CTNND2: variants seen among roughly 807,000 people sequenced by gnomAD.
CTNND2 encodes the protein catenin delta 2.
CTNND2 carries 22 observed loss-of-function variants against 144.4 expected under a neutral mutation model. The ratio of observed to expected loss-of-function variants is 0.15; its 90% CI spans 0.11 to 0.22. CTNND2 has a LOEUF of 0.22. Among genes scored for constraint, CTNND2 ranks in the 10% least tolerant of loss-of-function variants. The pLI, the probability that CTNND2 is intolerant of heterozygous loss-of-function variation, is 1.00. For synonymous variants in CTNND2, 751 were observed against 695.6 expected, an observed-to-expected ratio of 1.08 and a Z score of -1.25; for missense variants, 1,353 against 1,618.8, an observed-to-expected ratio of 0.84 and a Z score of 2.82.
At chr5:11,128,751 T>TATATATATATA (rs777170447) in intron 12 of CTNND2, among the ~76,000 whole-genome samples, 1 of 41,486 alleles carries the variant, frequency 2.4e-5, no homozygotes, top group Non-Finnish European at 3.9e-5. Flanking sequence ...TTATATATAT[T>TATATATATATA]ATATATAAAT....
At chr5:11,546,156 C>A (rs1039361223) in intron 3 of CTNND2, among the ~76,000 whole-genome samples, 3 of 152,062 alleles carry the variant, frequency 2.0e-5, no homozygotes, top group African/African-American at 7.2e-5. Context: ...CTTGGGGTTT[C>A]TTTTGGTGTG....
intron 16 of CTNND2, among the ~76,000 whole-genome samples, chr5:11,056,292 T>C (rs1341404122): frequency 6.6e-6 from 1 of 152,194 alleles, no homozygotes; most frequent in Non-Finnish European, 1.5e-5. Context: ...TTAATGTTCA[T>C]TGACTGATTA....
At chr5:11,233,667 T>C (rs143432502) in intron 10 of CTNND2, among the ~76,000 whole-genome samples, 85 of 152,094 alleles carry the variant, frequency 5.6e-4, no homozygotes, top group African/African-American at 1.9e-3. Context: ...GGAGTGAGGA[T>C]GAGAGAACAA....
In CTNND2 at chr5:11,754,383, T is replaced by C. The variant is rs545104571; in HGVS notation, c.38-22111A>G. On this transcript the variant is annotated intron_variant, in intron 1 of 21. Coordinates refer to ENST00000304623, the MANE Select transcript of CTNND2 (RefSeq NM_001332.4). Reference sequence around the variant, plus strand: ...ATTCTGATATGTTTTATCTTTGTTCTCATCACTTTCAAGGAATTTCCTTAT... The same window carrying C: ...ATTCTGATATGTTTTATCTTTGTTCCCATCACTTTCAAGGAATTTCCTTAT... Among the ~76,000 whole-genome samples the C allele has an allele frequency of 2.0e-5, 3 of 148,230 alleles. No homozygotes were observed. The South Asian group carries it at 6.7e-4, about 33-fold the overall frequency.
rs140719845 is a variant in CTNND2, at chr5:11,096,411, G to A, written c.2637+2164C>T. On this transcript the variant is annotated intron_variant, in intron 15 of 21. Coordinates refer to ENST00000304623, the MANE Select transcript of CTNND2 (RefSeq NM_001332.4). ...TTCCCACTTACGAGTGAGAACATGTGGTATTTGGTTTTCTGTTCCTGTTTT... is the reference window on the plus strand; with the variant it reads ...TTCCCACTTACGAGTGAGAACATGTAGTATTTGGTTTTCTGTTCCTGTTTT... 1.3e-4 allele frequency among the ~76,000 whole-genome samples: 20 copies of A among 152,168 alleles called. No individual in the cohort carries two copies. The East Asian group carries it at 3.9e-3, about 29-fold the overall frequency.
At chr5:11,638,633 G>A (rs1050830215) in intron 2 of CTNND2, among the ~76,000 whole-genome samples, 6 of 152,182 alleles carry the variant, frequency 3.9e-5, no homozygotes, top group Non-Finnish European at 8.8e-5. Context: ...AAGTGCAGTG[G>A]TGCCATCTTG....
At chr5:11,341,563 C>T (rs1486745047) in intron 9 of CTNND2, among the ~76,000 whole-genome samples, 1 of 152,204 alleles carries the variant, frequency 6.6e-6, no homozygotes, top group African/African-American at 2.4e-5. Flanking sequence ...CCCAGAGATT[C>T]ATCACCTGAG....
intron 13 of CTNND2, among the ~76,000 whole-genome samples, chr5:11,115,769 G>T (rs1753477849): frequency 6.6e-6 from 1 of 152,180 alleles, no homozygotes; most frequent in African/African-American, 2.4e-5. Flanking sequence ...TAATTGGGGT[G>T]AACTAGTACT....
chr5:11,348,437 C>CAAAAAAAAAAAAAAAAAAAAA (rs3034056), intron 8 of CTNND2, among the ~76,000 whole-genome samples: 1 of 114,716 alleles, frequency 8.7e-6, no homozygotes, highest in Non-Finnish European at 1.8e-5. Context: ...AAATCAAGGG[C>CAAAAAAAAAAAAAAAAAAAAA]AAAAAAAAAA....
chr5:11,102,866 G>C (rs1580291488), intron 14 of CTNND2, among the ~76,000 whole-genome samples: 1 of 151,038 alleles, frequency 6.6e-6, no homozygotes, highest in Admixed American at 6.6e-5. Context: ...GCGTGGGGCT[G>C]TGCTCAATGT....
chr5:11,014,526 C>T (rs1741409855), intron 18 of CTNND2, among the ~76,000 whole-genome samples: 1 of 152,192 alleles, frequency 6.6e-6, no homozygotes, highest in African/African-American at 2.4e-5. Flanking sequence ...ATCACATTCT[C>T]CTACATCTGT....
At chr5:11,155,712 A>C (rs934207818) in intron 12 of CTNND2, among the ~76,000 whole-genome samples, 4 of 152,048 alleles carry the variant, frequency 2.6e-5, no homozygotes, top group Admixed American at 2.0e-4. Flanking sequence ...AACAAAATTT[A>C]AGGCTTTTTT....
intron 2 of CTNND2, among the ~76,000 whole-genome samples, chr5:11,662,886 T>C (rs766569808): frequency 6.6e-6 from 1 of 152,150 alleles, no homozygotes; most frequent in Non-Finnish European, 1.5e-5. Flanking sequence ...GGCTGGAGAT[T>C]TCTGGTCTAC....
chr5:11,349,643 G>T (rs1377103563), intron 8 of CTNND2, among the ~76,000 whole-genome samples: 2 of 152,044 alleles, frequency 1.3e-5, no homozygotes, highest in African/African-American at 4.8e-5. Context: ...TCTACTAAAG[G>T]TACAGAGAAG....
intron 1 of CTNND2, among the ~76,000 whole-genome samples, chr5:11,880,636 C>G (rs1425081487): frequency 7.1e-6 from 1 of 140,704 alleles, no homozygotes. Flanking sequence ...ACTAGTACTA[C>G]TACTACTACC....
At chr5:11,282,498 T>C (rs1204289239) in intron 9 of CTNND2, among the ~76,000 whole-genome samples, 4 of 152,096 alleles carry the variant, frequency 2.6e-5, no homozygotes, top group African/African-American at 9.7e-5. Flanking sequence ...CAAGCCCCCA[T>C]AAAGATGAAC....
intron 2 of CTNND2, among the ~76,000 whole-genome samples, chr5:11,636,250 T>C (rs1781698051): frequency 1.3e-5 from 2 of 152,318 alleles, no homozygotes; most frequent in Non-Finnish European, 2.9e-5. Flanking sequence ...GCTATAACTA[T>C]TGCCAATCTC....
At chr5:11,568,982 A>G (rs1445501709) in intron 2 of CTNND2, among the ~76,000 whole-genome samples, 1 of 152,238 alleles carries the variant, frequency 6.6e-6, no homozygotes, top group Non-Finnish European at 1.5e-5. Flanking sequence ...ACTGTCAAGA[A>G]AGAAGAAATA....
intron 1 of CTNND2, among the ~76,000 whole-genome samples, chr5:11,882,716 A>C (rs1736218796): frequency 6.6e-6 from 1 of 152,152 alleles, no homozygotes; most frequent in South Asian, 2.1e-4. Context: ...ATAGATTTAT[A>C]GTATATTTTA....
Sources: allele counts gnomAD v4.1 joint callset (sites outside exome capture counted in the v4.1 genomes callset), GRCh38; gene constraint gnomAD v4.1.1; transcripts MANE v1.5; gene names NCBI Gene and HGNC (gene_info 2026-07-23, HGNC 2026-07-21).